C12orf42: variants seen among roughly 807,000 people sequenced by gnomAD.
The protein encoded by C12orf42 is uncharacterized protein C12orf42.
A neutral mutation model predicts 21.6 loss-of-function variants in C12orf42; 25 were observed. That is an observed-to-expected ratio of 1.16 (90% CI 0.84 to 1.62). The LOEUF is 1.62. Among genes scored for constraint, C12orf42 ranks in the 40% most tolerant of loss-of-function variants. The pLI, the probability that C12orf42 is intolerant of heterozygous loss-of-function variation, is 0.00. For missense variants in C12orf42, 483 were observed against 459.3 expected (o/e 1.05, Z -0.47); for synonymous variants, 174 against 175.0 (o/e 0.99, Z 0.05).
chr12:103,510,530 T>TA, the C12orf42 span, among the ~76,000 whole-genome samples: 2,212 of 151,758 alleles, frequency 0.015, 33 homozygotes, highest in Middle Eastern at 0.028. Context: ...AAAACAAAAG[T>TA]AAAAAAAATA....
At chr12:103,330,614 G>A (rs1488851895) in intron 4 of C12orf42, among the ~76,000 whole-genome samples, 2 of 152,156 alleles carry the variant, frequency 1.3e-5, no homozygotes, top group South Asian at 4.1e-4. Context: ...CCATTTGTCC[G>A]CTATCACAAC....
At chr12:103,070,991 C>T in the C12orf42 span, among the ~76,000 whole-genome samples, 2 of 152,230 alleles carry the variant, frequency 1.3e-5, no homozygotes, top group Non-Finnish European at 1.5e-5. Flanking sequence ...ACTGTATTTG[C>T]TTTAATGCTT....
At chr12:103,163,115 G>A in the C12orf42 span, among the ~76,000 whole-genome samples, 1 of 152,298 alleles carries the variant, frequency 6.6e-6, no homozygotes, top group Non-Finnish European at 1.5e-5. Flanking sequence ...TCACATCAGT[G>A]TCTGGCAACT....
the C12orf42 span, among the ~76,000 whole-genome samples, chr12:103,561,418 G>C: frequency 8.5e-5 from 13 of 152,308 alleles, no homozygotes; most frequent in African/African-American, 3.1e-4. Context: ...AGCATGACCA[G>C]GTTCTGGTAA....
At chr12:103,496,964 T>C (rs1384132770), upstream of C12orf42, among the ~76,000 whole-genome samples, 2 of 152,112 alleles carry the variant, frequency 1.3e-5, no homozygotes, top group East Asian at 3.9e-4. Flanking sequence ...AAAAAAAAAG[T>C]AAGTTTGTAC....
At chr12:103,170,602 C>A in the C12orf42 span, among the ~76,000 whole-genome samples, 1 of 152,020 alleles carries the variant, frequency 6.6e-6, no homozygotes, top group Non-Finnish European at 1.5e-5. Flanking sequence ...CCAAATCCTG[C>A]CATTTTCCAT....
intron 1 of C12orf42, among the ~76,000 whole-genome samples, chr12:103,490,383 C>A (rs1273414199): frequency 6.6e-6 from 1 of 152,144 alleles, no homozygotes; most frequent in African/African-American, 2.4e-5. Flanking sequence ...CTGAAATTCT[C>A]TTAAAAATAC....
intron 2 of C12orf42, among the ~76,000 whole-genome samples, chr12:103,436,368 A>G (rs1950712046): frequency 6.6e-6 from 1 of 152,164 alleles, no homozygotes; most frequent in Admixed American, 6.5e-5. Context: ...ACTAGCTAAC[A>G]TCATAATGAC....
chr12:103,076,428 C>G, the C12orf42 span, among the ~76,000 whole-genome samples: 31 of 152,018 alleles, frequency 2.0e-4, no homozygotes, highest in Middle Eastern at 6.8e-3. Context: ...GTTGGCCAGT[C>G]AAACCCATTG....
intron 1 of C12orf42, among the ~76,000 whole-genome samples, chr12:103,487,714 CTTCT>C (rs1484003074): frequency 2.6e-5 from 4 of 152,160 alleles, no homozygotes; most frequent in Middle Eastern, 3.4e-3. Flanking sequence ...ATATAATGGC[CTTCT>C]TTGTCTCTTT....
At chr12:103,540,870 C>A in the C12orf42 span, among the ~76,000 whole-genome samples, 1 of 152,068 alleles carries the variant, frequency 6.6e-6, no homozygotes, top group African/African-American at 2.4e-5. Flanking sequence ...TTCTTTCTTG[C>A]CTTCCTCTGA....
At chr12:103,270,873 T>C (rs2035435771) in intron 5 of C12orf42, among the ~76,000 whole-genome samples, 1 of 151,274 alleles carries the variant, frequency 6.6e-6, no homozygotes, top group Non-Finnish European at 1.5e-5. Flanking sequence ...TAATCTGTTC[T>C]CTCTTTATCA....
At chr12:103,505,690 G>A in the C12orf42 span, 8 of 223,214 alleles carry the variant, frequency 3.6e-5, no homozygotes, top group Middle Eastern at 1.5e-3. Flanking sequence ...GCTCAAGGCT[G>A]TAGATGGAGA....
the C12orf42 span, chr12:103,152,030 C>T: frequency 6.6e-6 from 1 of 152,254 alleles, no homozygotes; most frequent in Admixed American, 6.5e-5. Flanking sequence ...TGGAAGAAGC[C>T]AAATGGCTAG....
the C12orf42 span, among the ~76,000 whole-genome samples, chr12:103,166,466 T>A: frequency 6.6e-6 from 1 of 152,200 alleles, no homozygotes; most frequent in Non-Finnish European, 1.5e-5. Context: ...GTTAATGATG[T>A]AGGTATTGTT....
intron 1 of C12orf42, among the ~76,000 whole-genome samples, chr12:103,494,556 TA>T (rs375814177): frequency 3.8e-4 from 56 of 148,222 alleles, no homozygotes; most frequent in Admixed American, 1.1e-3. Context: ...ATGTGGCAGA[TA>T]AAAAAAAAAC....
intron 4 of C12orf42, among the ~76,000 whole-genome samples, chr12:103,347,013 C>T (rs1316111586): frequency 1.3e-5 from 2 of 152,176 alleles, no homozygotes; most frequent in East Asian, 3.8e-4. Flanking sequence ...ACAGAGCTGA[C>T]ATCACAGCAT....
intron 2 of C12orf42, among the ~76,000 whole-genome samples, chr12:103,469,677 G>T (rs1423501877): frequency 1.3e-5 from 2 of 152,172 alleles, no homozygotes; most frequent in African/African-American, 4.8e-5. Flanking sequence ...TTTTAAGATA[G>T]ATTCTCAGAA....
chr12:103,458,436 T>C (rs937261284), intron 2 of C12orf42, among the ~76,000 whole-genome samples: 14 of 152,246 alleles, frequency 9.2e-5, no homozygotes, highest in African/African-American at 3.4e-4. Context: ...CGAAACTAGA[T>C]CAAATAGCAG....
Sources: gnomAD v4.1 joint callset for allele counts (sites outside exome capture counted in the v4.1 genomes callset) on GRCh38, gnomAD v4.1.1 for gene constraint, MANE v1.5 for transcripts, NCBI Gene and HGNC (gene_info 2026-07-23, HGNC 2026-07-21) for gene names.